MAGI2: variants seen among roughly 807,000 people sequenced by gnomAD.
MAGI2 encodes membrane associated guanylate kinase, WW and PDZ domain containing 2.
In MAGI2, 35 loss-of-function variants were observed where a neutral mutation model predicts 133.3. The observed-to-expected ratio is 0.26, with a 90% confidence interval of 0.20 to 0.35. MAGI2 has a LOEUF of 0.35. MAGI2 is among the 10% of genes least tolerant of loss of function. The probability of loss-of-function intolerance (pLI) is 1.00; values close to 1 mark genes in which losing one functional copy is unlikely to be tolerated. For synonymous variants in MAGI2, 729 were observed against 710.6 expected, an observed-to-expected ratio of 1.03 and a Z score of -0.41; for missense variants, 1,636 against 1,863.4, an observed-to-expected ratio of 0.88 and a Z score of 2.25.
intron 2 of MAGI2, among the ~76,000 whole-genome samples, chr7:78,735,294 A>C (rs916441358): frequency 2.0e-5 from 3 of 152,196 alleles, no homozygotes; most frequent in African/African-American, 7.2e-5. Flanking sequence ...ATGGCCTCAC[A>C]TACAGACAAC....
At chr7:79,297,215 C>T (rs1328868984) in intron 1 of MAGI2, among the ~76,000 whole-genome samples, 1 of 151,820 alleles carries the variant, frequency 6.6e-6, no homozygotes, top group African/African-American at 2.4e-5. Flanking sequence ...AAGATGCATC[C>T]CAATTTTAGA....
At chr7:79,287,672 G>A (rs1836121458) in intron 1 of MAGI2, among the ~76,000 whole-genome samples, 1 of 152,112 alleles carries the variant, frequency 6.6e-6, no homozygotes, top group Non-Finnish European at 1.5e-5. Context: ...CAGGACCTTT[G>A]CTAGCATTAA....
At chr7:78,487,344 G>A (rs7779312) in intron 6 of MAGI2, 54,207 of 161,190 alleles carry the variant, frequency 0.34, 9,719 homozygotes, top group African/African-American at 0.45. Context: ...AATAGAGTAC[G>A]TAGTCTTTCT....
chr7:78,721,367 A>C (rs971471812), intron 2 of MAGI2, among the ~76,000 whole-genome samples: 1 of 152,054 alleles, frequency 6.6e-6, no homozygotes, highest in Admixed American at 6.6e-5. Flanking sequence ...GTAGCATAAG[A>C]ATTAATCTCA....
chr7:78,668,294 C>A (rs1175941249), intron 2 of MAGI2, among the ~76,000 whole-genome samples: 2 of 151,452 alleles, frequency 1.3e-5, no homozygotes, highest in African/African-American at 4.9e-5. Context: ...TGGATATTAG[C>A]CCTCTGTCAG....
intron 4 of MAGI2, chr7:78,509,346 C>T (rs1414982012): frequency 2.6e-5 from 4 of 152,056 alleles, no homozygotes; most frequent in African/African-American, 9.7e-5. Context: ...TTTATTAATA[C>T]CTACACTTTA....
intron 2 of MAGI2, among the ~76,000 whole-genome samples, chr7:78,871,758 T>C (rs972412936): frequency 3.3e-5 from 5 of 152,134 alleles, no homozygotes; most frequent in African/African-American, 1.2e-4. Context: ...CATTTGCATG[T>C]AAATTTAGCA....
intron 1 of MAGI2, among the ~76,000 whole-genome samples, chr7:79,292,770 C>CAAAAAA (rs199933554): frequency 0.14 from 7,982 of 57,196 alleles, 2,658 homozygotes; most frequent in Non-Finnish European, 0.18. Flanking sequence ...TCAATTTCTG[C>CAAAAAA]AAAAAAAAAA....
At chr7:79,140,636 T>C (rs1220075074) in intron 1 of MAGI2, among the ~76,000 whole-genome samples, 2 of 152,180 alleles carry the variant, frequency 1.3e-5, no homozygotes, top group Non-Finnish European at 2.9e-5. Flanking sequence ...GATTGTAGGT[T>C]TCTTCCAGAG....
intron 2 of MAGI2, among the ~76,000 whole-genome samples, chr7:78,889,899 A>G (rs1431885978): frequency 2.6e-5 from 4 of 152,204 alleles, no homozygotes; most frequent in Non-Finnish European, 4.4e-5. Context: ...AAATGTAAAT[A>G]GGCTAAATGC....
intron 1 of MAGI2, among the ~76,000 whole-genome samples, chr7:79,100,040 CT>C (rs1187499926): frequency 4.6e-5 from 7 of 152,272 alleles, no homozygotes; most frequent in Non-Finnish European, 8.8e-5. Flanking sequence ...CTGTTTTTCT[CT>C]GTTTTGTAAT....
intron 10 of MAGI2, chr7:78,254,769 G>C (rs895536080): frequency 6.6e-6 from 1 of 152,216 alleles, no homozygotes; most frequent in East Asian, 1.9e-4. Flanking sequence ...GTTTCAGGCT[G>C]TTTTGAGTGC....
intron 1 of MAGI2, chr7:79,353,746 C>A: frequency 3.9e-6 from 1 of 253,408 alleles, no homozygotes; most frequent in South Asian, 4.3e-5. Flanking sequence ...CCTTCTAGGT[C>A]TGAACCTGGA....
chr7:79,116,296 C>T (rs1444310745), intron 1 of MAGI2, among the ~76,000 whole-genome samples: 1 of 152,116 alleles, frequency 6.6e-6, no homozygotes, highest in Non-Finnish European at 1.5e-5. Context: ...TATCCAAGGT[C>T]CATCACATTA....
At chr7:78,512,409 ATTTAT>A (rs1301762045) in intron 4 of MAGI2, among the ~76,000 whole-genome samples, 1 of 152,056 alleles carries the variant, frequency 6.6e-6, no homozygotes, top group Non-Finnish European at 1.5e-5. Flanking sequence ...ATTTTTTAGA[ATTTAT>A]TTTATTTTTG....
Position 78,215,300 on chromosome 7 carries a change from C to T in MAGI2, c.2048-14107G>A, listed in dbSNP as rs184311490. ...TATGGTGTTAACTCTCCTGCATTCT[C>T]GGTTGTGCCTGCTTTAAGGCTGAGG... On this transcript the variant is annotated intron_variant, in intron 10 of 21. Coordinates refer to ENST00000354212, the MANE Select transcript of MAGI2 (RefSeq NM_012301.4). Among the ~76,000 whole-genome samples, 36 of 152,198 alleles carry T rather than the reference C, an allele frequency of 2.4e-4. No homozygotes were observed. The South Asian group carries it at 3.7e-3, about 16-fold the overall frequency.
At chr7:78,802,393 A>T (rs914002533) in intron 2 of MAGI2, among the ~76,000 whole-genome samples, 2 of 152,168 alleles carry the variant, frequency 1.3e-5, no homozygotes, top group Admixed American at 6.5e-5. Context: ...ATTTTGTTCT[A>T]AGTGCAAATA....
At chr7:79,374,831 G>A (rs977002547) in intron 1 of MAGI2, among the ~76,000 whole-genome samples, 2 of 151,896 alleles carry the variant, frequency 1.3e-5, no homozygotes, top group African/African-American at 4.8e-5. Context: ...CATTAGGAAA[G>A]TTTTCCCTTA....
intron 1 of MAGI2, among the ~76,000 whole-genome samples, chr7:79,444,330 A>G (rs565086422): frequency 2.0e-5 from 3 of 152,170 alleles, no homozygotes; most frequent in Non-Finnish European, 4.4e-5. Flanking sequence ...CAGGCAGGAG[A>G]AGGAAATAAA....
Sources: allele counts gnomAD v4.1 joint callset (sites outside exome capture counted in the v4.1 genomes callset), GRCh38; gene constraint gnomAD v4.1.1; transcripts MANE v1.5; gene names NCBI Gene and HGNC (gene_info 2026-07-23, HGNC 2026-07-21).